ANK3: variants seen among roughly 807,000 people sequenced by gnomAD.
ANK3 encodes the protein ankyrin 3.
In ANK3, 57 loss-of-function variants were observed where a neutral mutation model predicts 370.9. The observed-to-expected ratio is 0.15, with a 90% CI of 0.12 to 0.19. ANK3 has a LOEUF of 0.19. ANK3 is among the 10% of genes least tolerant of loss of function. ANK3 has a pLI of 1.00. For synonymous variants in ANK3, 1,929 were observed against 1,946.3 expected, an observed-to-expected ratio of 0.99 and a Z score of 0.23; for missense variants, 4,439 against 5,302.1, an observed-to-expected ratio of 0.84 and a Z score of 5.06.
chr10:60,186,164 C>G (rs918965666), intron 17 of ANK3, among the ~76,000 whole-genome samples: 2 of 152,106 alleles, frequency 1.3e-5, no homozygotes, highest in Non-Finnish European at 2.9e-5. Context: ...GCAGCTTCTT[C>G]TTTGCTATGT....
chr10:60,034,676 C>T (rs1195793065), intron 43 of ANK3, among the ~76,000 whole-genome samples: 1 of 152,116 alleles, frequency 6.6e-6, no homozygotes, highest in Non-Finnish European at 1.5e-5. Flanking sequence ...TGTAGTTCAA[C>T]TCTTACTCAT....
chr10:60,099,763 A>G (rs1341980293), intron 28 of ANK3, among the ~76,000 whole-genome samples: 1 of 145,078 alleles, frequency 6.9e-6, no homozygotes, highest in East Asian at 2.0e-4. Flanking sequence ...AAACACAATG[A>G]ATCAATAACC....
chr10:60,100,801 T>C (rs1207832998), intron 28 of ANK3, among the ~76,000 whole-genome samples: 1 of 152,218 alleles, frequency 6.6e-6, no homozygotes, highest in African/African-American at 2.4e-5. Context: ...GTAGCAACAA[T>C]TTTTGTGTTA....
intron 42 of ANK3, among the ~76,000 whole-genome samples, chr10:60,054,724 TG>T (rs1292538283): frequency 6.6e-6 from 1 of 152,180 alleles, no homozygotes; most frequent in Non-Finnish European, 1.5e-5. Flanking sequence ...AGAAAAGACT[TG>T]TTTTTTCCTC....
intron 1 of ANK3, among the ~76,000 whole-genome samples, chr10:60,695,416 A>G (rs1480706562): frequency 1.4e-4 from 21 of 152,328 alleles, no homozygotes; most frequent in Non-Finnish European, 2.5e-4. Flanking sequence ...AGACTTCTAC[A>G]GAACTCTCCA....
intron 25 of ANK3, among the ~76,000 whole-genome samples, chr10:60,126,973 G>T (rs566195809): frequency 6.6e-6 from 1 of 152,152 alleles, no homozygotes; most frequent in African/African-American, 2.4e-5. Flanking sequence ...TTCCAGGGAT[G>T]GGGGAAGACT....
intron 1 of ANK3, chr10:60,684,552 T>C: frequency 6.3e-7 from 1 of 1,584,308 alleles, no homozygotes; most frequent in East Asian, 2.3e-5. Context: ...CCAGTCTGCC[T>C]TCATTTCAAT....
At chr10:60,181,218 A>T in intron 18 of ANK3, 111 bp downstream of exon 18, 1 of 989,300 alleles carries the variant, frequency 1.0e-6, no homozygotes, top group Non-Finnish European at 1.6e-6. Flanking sequence ...AATACTACGT[A>T]GAAAAGAGAT....
intron 11 of ANK3, among the ~76,000 whole-genome samples, chr10:60,203,884 TAA>T (rs1439444650): frequency 6.6e-6 from 1 of 152,244 alleles, no homozygotes; most frequent in Non-Finnish European, 1.5e-5. Context: ...ATTAATATTT[TAA>T]AGAGTATAAT....
chr10:60,471,339 TG>T (rs1239376548), intron 2 of ANK3, among the ~76,000 whole-genome samples: 2 of 152,210 alleles, frequency 1.3e-5, no homozygotes, highest in Non-Finnish European at 2.9e-5. Context: ...ATTACCTTTT[TG>T]TTACTGTTAT....
Position 60,172,994 on chromosome 10 carries a change from C to T in ANK3, c.2288G>A (p.Gly763Glu). 1.2e-6 allele frequency: 2 copies of T among 1,612,370 alleles called. No individual in the cohort carries two copies. Among genetic ancestry groups the T allele is most frequent in the Non-Finnish European group, 1.7e-6 (2 of 1,178,650 alleles). ...SAKVNAKTKN[G>E]YTPLHQAAQQ... ...TGCTGCTTGATGTAATGGCGTATAC[C>T]CATTCTGTAGAAGGAAGATGGAAGA... The change falls in exon 20 of 44, where the codon GGG (glycine) becomes GAG (glutamate). Residue 763 changes from glycine (G) to glutamate (E), a missense_variant. By Grantham distance (98) the Gly-to-Glu change is moderately conservative (BLOSUM62 -2). This residue lies in a region of ANK3 where 702 missense variants were observed against 941.5 expected (regional missense o/e 0.75). Transcript: ENST00000280772.
At chr10:60,719,657 G>A (rs1202313736) in intron 1 of ANK3, among the ~76,000 whole-genome samples, 2 of 152,032 alleles carry the variant, frequency 1.3e-5, no homozygotes, top group African/African-American at 4.8e-5. Flanking sequence ...TCATACCCCA[G>A]AGCCATTTAT....
At chr10:60,727,252 A>C (rs1993939) in intron 1 of ANK3, among the ~76,000 whole-genome samples, 50,175 of 152,006 alleles carry the variant, frequency 0.33, 8,446 homozygotes, top group South Asian at 0.48. Context: ...GTGGCATGTT[A>C]ATGCAATGAA....
At chr10:60,652,949 G>T (rs1227243718) in intron 1 of ANK3, among the ~76,000 whole-genome samples, 1 of 152,080 alleles carries the variant, frequency 6.6e-6, no homozygotes, top group Non-Finnish European at 1.5e-5. Flanking sequence ...ACGATGGTGA[G>T]CCTCTCCTGA....
intron 1 of ANK3, among the ~76,000 whole-genome samples, chr10:60,639,482 A>G (rs1038446321): frequency 2.6e-5 from 4 of 151,350 alleles, no homozygotes; most frequent in Non-Finnish European, 5.9e-5. Flanking sequence ...ATATATTTAT[A>G]TTTTAAGTTA....
At chr10:60,204,461 C>T (rs1397556637) in intron 11 of ANK3, among the ~76,000 whole-genome samples, 1 of 152,140 alleles carries the variant, frequency 6.6e-6, no homozygotes, top group Admixed American at 6.5e-5. Context: ...CTAATATGAA[C>T]CCATAAGCCT....
chr10:60,091,855 C>A (rs569672494), intron 28 of ANK3, among the ~76,000 whole-genome samples: 2 of 152,060 alleles, frequency 1.3e-5, no homozygotes, highest in African/African-American at 4.8e-5. Flanking sequence ...CTCAGCCTCC[C>A]GAGTAGCTGG....
chr10:60,063,536 T>C (rs2081026547), intron 39 of ANK3, among the ~76,000 whole-genome samples: 2 of 152,228 alleles, frequency 1.3e-5, no homozygotes, highest in African/African-American at 4.8e-5. Context: ...CTAATAAAAC[T>C]AAAGTTTCCT....
intron 1 of ANK3, among the ~76,000 whole-genome samples, chr10:60,656,709 A>AAACATTG (rs1286182082): frequency 2.0e-5 from 3 of 152,308 alleles, no homozygotes; most frequent in South Asian, 4.1e-4. Flanking sequence ...TATTTTTTAC[A>AAACATTG]AACATTGATA....
Sources: allele counts gnomAD v4.1 joint callset (sites outside exome capture counted in the v4.1 genomes callset), GRCh38; gene constraint gnomAD v4.1.1; regional missense constraint gnomAD v4.1.1; transcripts MANE v1.5; gene names NCBI Gene and HGNC (gene_info 2026-07-23, HGNC 2026-07-21).